Variants in TNFAIP8 observed in about 807,000 individuals in gnomAD.
TNFAIP8 encodes the protein tumor necrosis factor alpha-induced protein 8.
A neutral mutation model predicts 13.3 loss-of-function variants in TNFAIP8; 7 were observed. The ratio of observed to expected loss-of-function variants is 0.52; its 90% confidence interval spans 0.30 to 0.99. The LOEUF (loss-of-function observed/expected upper bound fraction) is 0.99, where lower values mean the gene tolerates loss of function less well. Ranked by LOEUF, TNFAIP8 falls within the 50% of genes least tolerant of loss-of-function variation. TNFAIP8 has a pLI of 0.07. For missense variants in TNFAIP8, 258 were observed against 236.9 expected (o/e 1.09, Z -0.58); for synonymous variants, 94 against 87.6 (o/e 1.07, Z -0.41).
intron 1 of TNFAIP8, among the ~76,000 whole-genome samples, chr5:119,386,724 A>T (rs112971908): frequency 0.023 from 3,427 of 152,302 alleles, 115 homozygotes; most frequent in African/African-American, 0.077. Flanking sequence ...ATACCCCAAA[A>T]TGTGCATTCC....
intron 1 of TNFAIP8, among the ~76,000 whole-genome samples, chr5:119,269,252 A>G (rs1481202072): frequency 6.6e-6 from 1 of 151,962 alleles, no homozygotes; most frequent in Non-Finnish European, 1.5e-5. Flanking sequence ...GGTTCCCGCT[A>G]TTTGTCACGT....
At chr5:119,312,453 C>T (rs1749759151) in intron 1 of TNFAIP8, among the ~76,000 whole-genome samples, 2 of 152,098 alleles carry the variant, frequency 1.3e-5, no homozygotes, top group Admixed American at 6.5e-5. Context: ...ACATGTCTTA[C>T]TTTTTCATTA....
At chr5:119,276,033 G>T (rs1170938356) in intron 1 of TNFAIP8, among the ~76,000 whole-genome samples, 1 of 152,056 alleles carries the variant, frequency 6.6e-6, no homozygotes, top group East Asian at 1.9e-4. Context: ...CAGGTGGCAG[G>T]GGCAGAGGAT....
At chr5:119,358,100 T>C (rs1335261677) in intron 1 of TNFAIP8, among the ~76,000 whole-genome samples, 5 of 31,646 alleles carry the variant, frequency 1.6e-4, no homozygotes, top group Non-Finnish European at 3.1e-4. Flanking sequence ...TATACGTAGC[T>C]TTTTTTTTTT....
intron 1 of TNFAIP8, among the ~76,000 whole-genome samples, chr5:119,387,887 T>A (rs979165632): frequency 2.6e-5 from 4 of 152,230 alleles, no homozygotes; most frequent in Non-Finnish European, 4.4e-5. Flanking sequence ...TATTTTTTTT[T>A]AAATACAGCA....
At position 119,327,488 on chromosome 5, in the gene TNFAIP8, T is replaced by C. The variant is rs577739361; in HGVS notation, c.1+58581T>C. Among the ~76,000 whole-genome samples the C allele has an allele frequency of 5.4e-4, 82 of 152,318 alleles. No individual in the cohort carries two copies. In the South Asian group the frequency reaches 0.013, roughly 24 times the overall value. ...TTTGTTTGTTTTTTGAGACAGAGTC[T>C]CGCTCTGTTACCCAGGCTAGAGTGC... On this transcript the variant is annotated intron_variant, in intron 1 of 1. Transcript: ENST00000274456.
intron 1 of TNFAIP8, among the ~76,000 whole-genome samples, chr5:119,327,790 A>G (rs1455637538): frequency 6.6e-6 from 1 of 152,144 alleles, no homozygotes; most frequent in Admixed American, 6.5e-5. Flanking sequence ...CAACCCTAGG[A>G]AGGAGGTTAT....
At chr5:119,300,040 C>T (rs541924348) in intron 1 of TNFAIP8, among the ~76,000 whole-genome samples, 2 of 152,354 alleles carry the variant, frequency 1.3e-5, no homozygotes, top group African/African-American at 4.8e-5. Flanking sequence ...GGAAGGGGAA[C>T]TCCCTGACCC....
At chr5:119,343,984 T>G (rs1183236408) in intron 1 of TNFAIP8, among the ~76,000 whole-genome samples, 1 of 152,234 alleles carries the variant, frequency 6.6e-6, no homozygotes, top group Admixed American at 6.5e-5. Flanking sequence ...TATGTGTGTG[T>G]GGGCGCACAT....
intron 1 of TNFAIP8, chr5:119,306,227 T>C (rs987243189): frequency 3.3e-5 from 5 of 152,192 alleles, no homozygotes; most frequent in Non-Finnish European, 7.3e-5. Context: ...TAGGATCTCC[T>C]AGTGAATGTC....
At position 119,298,840 on chromosome 5, in the gene TNFAIP8, A is replaced by G. The variant is rs371717140; in HGVS notation, c.1+29933A>G. Among the ~76,000 whole-genome samples the G allele has an allele frequency of 2.6e-5, 4 of 151,808 alleles. No individual in the cohort carries two copies. In the East Asian group the frequency reaches 7.7e-4, roughly 29 times the overall value. ...CTTTTTTCTCTAAACTTCCCTTCTC[A>G]CTTCATTTCATTCATTTCATCTTCC... On this transcript the variant is annotated intron_variant, in intron 1 of 1. Coordinates refer to the TNFAIP8 transcript ENST00000274456.
intron 1 of TNFAIP8, among the ~76,000 whole-genome samples, chr5:119,350,985 GA>G (rs1295892098): frequency 7.1e-6 from 1 of 140,848 alleles, no homozygotes; most frequent in Admixed American, 7.0e-5. Flanking sequence ...TGTGTAGAGA[GA>G]GGGGTCTCAC....
At chr5:119,367,599 T>A (rs536297800) in intron 1 of TNFAIP8, among the ~76,000 whole-genome samples, 90 of 152,350 alleles carry the variant, frequency 5.9e-4, no homozygotes, top group African/African-American at 2.1e-3. Context: ...TTTAAAAAAA[T>A]GTTTGATGTT....
rs1472985904 is a variant in TNFAIP8, at chr5:119,394,484, AAAT to A, written c.*1109_*1111del. ...TGTTTCTATATAATTTTCTGTGTAT[AAAT>A]AATAAAGTAGGCATTTGTTTATTTT... On this transcript the variant is annotated 3_prime_UTR_variant, in exon 2 of 2. Coordinates refer to ENST00000504771, the MANE Select transcript of TNFAIP8 (RefSeq NM_014350.4). 2 of 152,168 alleles carry A rather than the reference AAAT, an allele frequency of 1.3e-5. No homozygotes were observed. Among genetic ancestry groups the A allele is most frequent in the African/African-American group, 4.8e-5 (2 of 41,436 alleles). The allele number at this position is 152,168 out of a possible 1,614,324, so 9.4% of individuals were successfully genotyped here.
intron 1 of TNFAIP8, among the ~76,000 whole-genome samples, chr5:119,275,546 C>G (rs1388316890): frequency 6.6e-6 from 1 of 152,016 alleles, no homozygotes; most frequent in African/African-American, 2.4e-5. Flanking sequence ...GTCCTGGTAC[C>G]TCCAGGAATC....
intron 1 of TNFAIP8, among the ~76,000 whole-genome samples, chr5:119,363,530 T>G (rs1196315876): frequency 6.6e-6 from 1 of 152,232 alleles, no homozygotes; most frequent in East Asian, 1.9e-4. Flanking sequence ...CCTACAGGCC[T>G]CTTCCTGTGG....
intron 1 of TNFAIP8, among the ~76,000 whole-genome samples, chr5:119,347,074 G>A (rs1226544995): frequency 1.3e-5 from 2 of 152,214 alleles, no homozygotes; most frequent in Non-Finnish European, 2.9e-5. Context: ...CATTGAAACA[G>A]GTTGCTATTT....
At chr5:119,336,982 C>A (rs183109264) in intron 1 of TNFAIP8, among the ~76,000 whole-genome samples, 4 of 152,272 alleles carry the variant, frequency 2.6e-5, no homozygotes, top group Admixed American at 2.6e-4. Flanking sequence ...GACCATTGTC[C>A]TCTGGACACA....
intron 1 of TNFAIP8, among the ~76,000 whole-genome samples, chr5:119,345,834 T>C (rs1750879557): frequency 6.6e-6 from 1 of 152,240 alleles, no homozygotes; most frequent in African/African-American, 2.4e-5. Context: ...CTGAACTGTA[T>C]ATTTAAAATT....
Sources: allele counts gnomAD v4.1 joint callset (sites outside exome capture counted in the v4.1 genomes callset), GRCh38; gene constraint gnomAD v4.1.1; transcripts MANE v1.5; gene names NCBI Gene and HGNC (gene_info 2026-07-23, HGNC 2026-07-21).